The following NELL1 variants were observed in gnomAD, a reference collection of about 807,000 sequenced individuals.
NELL1 encodes the protein protein kinase C-binding protein NELL1.
A neutral mutation model predicts 107.4 loss-of-function variants in NELL1; 76 were observed. The ratio of observed to expected loss-of-function variants is 0.71; its 90% CI spans 0.59 to 0.86. NELL1 has a LOEUF of 0.86. Ranked by LOEUF, NELL1 falls within the 40% of genes least tolerant of loss-of-function variation. The pLI, the probability that NELL1 is intolerant of heterozygous loss-of-function variation, is 0.00. For missense variants in NELL1, 1,024 were observed against 1,005.5 expected (o/e 1.02, Z -0.25); for synonymous variants, 353 against 341.2 (o/e 1.03, Z -0.38).
At chr11:21,489,380 C>CAGAAAAAAAAAA (rs1491301138) in intron 15 of NELL1, among the ~76,000 whole-genome samples, 1 of 47,800 alleles carries the variant, frequency 2.1e-5, no homozygotes, top group Non-Finnish European at 4.0e-5. Context: ...GAAAGTATTT[C>CAGAAAAAAAAAA]AAAAAAAAAA....
rs183093910 is a variant in NELL1, at chr11:20,812,545, T to C, written c.335+28715T>C. On this transcript the variant is annotated intron_variant, in intron 3 of 19. Coordinates refer to ENST00000357134, the MANE Select transcript of NELL1 (RefSeq NM_006157.5). ...TTTTGACATGAATTGGTATTAATTC[T>C]TCTTTATACAGTAAAGCAACATGCT... Among the ~76,000 whole-genome samples, 505 of 152,358 alleles carry C rather than the reference T, an allele frequency of 3.3e-3. 6 individuals are homozygous for C. The highest frequency in any genetic ancestry group is 0.012 in the African/African-American group (489 of 41,592).
At chr11:20,982,331 G>A (rs1564998928) in intron 12 of NELL1, among the ~76,000 whole-genome samples, 1 of 152,112 alleles carries the variant, frequency 6.6e-6, no homozygotes, top group African/African-American at 2.4e-5. Flanking sequence ...TTTATGGGTA[G>A]GAAAAACCAA....
chr11:20,849,554 C>T (rs1848760227), intron 4 of NELL1, among the ~76,000 whole-genome samples: 1 of 152,136 alleles, frequency 6.6e-6, no homozygotes, highest in Non-Finnish European at 1.5e-5. Flanking sequence ...GAGTCATTGC[C>T]ATTTATAAAG....
At chr11:20,973,227 G>T (rs1434286464) in intron 12 of NELL1, among the ~76,000 whole-genome samples, 1 of 149,418 alleles carries the variant, frequency 6.7e-6, no homozygotes, top group African/African-American at 2.5e-5. Context: ...TCCGGCCTCA[G>T]CCTCCTGAGT....
At chr11:21,324,785 A>G (rs1850091870) in intron 14 of NELL1, among the ~76,000 whole-genome samples, 1 of 152,118 alleles carries the variant, frequency 6.6e-6, no homozygotes, top group Admixed American at 6.6e-5. Context: ...AAGAGGGAAG[A>G]GAGAATAGGT....
chr11:21,085,655 G>A (rs1209779026), intron 12 of NELL1, among the ~76,000 whole-genome samples: 2 of 151,908 alleles, frequency 1.3e-5, no homozygotes, highest in African/African-American at 2.4e-5. Context: ...AACAAAAAAC[G>A]ATTTTCTAGT....
intron 12 of NELL1, among the ~76,000 whole-genome samples, chr11:21,103,401 T>C (rs1590638603): frequency 6.6e-6 from 1 of 152,188 alleles, no homozygotes; most frequent in East Asian, 1.9e-4. Context: ...GTTTGCCTTG[T>C]AGAGAGGCAC....
At position 21,515,639 on chromosome 11, in the gene NELL1, G is replaced by A. The variant is rs548428562; in HGVS notation, c.1646-18735G>A. Among the ~76,000 whole-genome samples, 22 of 152,240 alleles carry A rather than the reference G, an allele frequency of 1.4e-4. No individual in the cohort carries two copies. In the East Asian group the frequency reaches 4.3e-3, roughly 29 times the overall value. On this transcript the variant is annotated intron_variant, in intron 15 of 19. Coordinates refer to ENST00000357134, the MANE Select transcript of NELL1 (RefSeq NM_006157.5). ...TGCCTAATTCACTGTGGAATGTGAG[G>A]ATCAATAAAGATATTGTATGATAGC...
chr11:20,712,925 T>A (rs75059724), intron 2 of NELL1, among the ~76,000 whole-genome samples: 3,218 of 152,316 alleles, frequency 0.021, 45 homozygotes, highest in Non-Finnish European at 0.034. Context: ...GTTGTAAATA[T>A]GTTTAGTGTG....
At chr11:21,271,707 T>C (rs1457071583) in intron 14 of NELL1, among the ~76,000 whole-genome samples, 1 of 152,144 alleles carries the variant, frequency 6.6e-6, no homozygotes, top group Non-Finnish European at 1.5e-5. Flanking sequence ...CTCATGAACA[T>C]AGATGCAAAA....
intron 14 of NELL1, among the ~76,000 whole-genome samples, chr11:21,296,548 CACTT>C (rs1242007011): frequency 3.3e-5 from 5 of 151,942 alleles, no homozygotes; most frequent in South Asian, 2.1e-4. Context: ...CCATACAAAA[CACTT>C]AATAACACAG....
At chr11:20,840,915 G>T (rs767864093) in intron 3 of NELL1, among the ~76,000 whole-genome samples, 12 of 152,196 alleles carry the variant, frequency 7.9e-5, no homozygotes, top group Non-Finnish European at 1.2e-4. Flanking sequence ...CACAGGACAG[G>T]AGATGACAGT....
chr11:21,463,643 G>A (rs951720552), intron 15 of NELL1, among the ~76,000 whole-genome samples: 10 of 151,976 alleles, frequency 6.6e-5, no homozygotes, highest in East Asian at 1.9e-4. Context: ...CACTGAGAGG[G>A]TACCTAATCA....
chr11:21,022,495 T>C (rs1433618888), intron 12 of NELL1, among the ~76,000 whole-genome samples: 2 of 152,120 alleles, frequency 1.3e-5, no homozygotes, highest in East Asian at 3.9e-4. Context: ...ACCTTGAAAA[T>C]GGGACTAAGT....
intron 15 of NELL1, among the ~76,000 whole-genome samples, chr11:21,453,739 T>C: frequency 6.6e-6 from 1 of 151,894 alleles, no homozygotes. Flanking sequence ...TCTTTAGAGT[T>C]GTATTTTATG....
rs201896985 is a variant in NELL1, at chr11:21,575,019, T to C, written c.2430T>C (p.Asn810=). The change falls in exon 20 of 20, where the codon AAT becomes AAC. Residue 810 remains asparagine (N), a synonymous_variant. Coordinates refer to ENST00000357134, the MANE Select transcript of NELL1 (RefSeq NM_006157.5). ...CSVDFECLQN[N] ...TGGATTTTGAGTGTCTTCAAAATAA[T>C]TGAAGTATTTACAGTGGACTCAACG... is the stretch of plus-strand genomic sequence containing the variant. The C allele has an allele frequency of 3.1e-6, 5 of 1,609,300 alleles. No homozygotes were observed. The highest frequency in any genetic ancestry group is 1.3e-5 in the African/African-American group (1 of 74,708).
intron 14 of NELL1, among the ~76,000 whole-genome samples, chr11:21,251,764 G>A (rs1276061449): frequency 6.6e-6 from 1 of 152,008 alleles, no homozygotes; most frequent in African/African-American, 2.4e-5. Flanking sequence ...GAGGTTCAAG[G>A]CGATGGAATG....
intron 15 of NELL1, among the ~76,000 whole-genome samples, chr11:21,406,556 T>C (rs1232479643): frequency 6.6e-6 from 1 of 152,034 alleles, no homozygotes; most frequent in East Asian, 1.9e-4. Context: ...TTAAGATAAA[T>C]TGAGCTTCTT....
intron 2 of NELL1, among the ~76,000 whole-genome samples, chr11:20,759,452 C>T (rs939091582): frequency 6.6e-6 from 1 of 152,168 alleles, no homozygotes; most frequent in Non-Finnish European, 1.5e-5. Flanking sequence ...CCCGTGAATA[C>T]CAATGGAACT....
Sources: allele counts gnomAD v4.1 joint callset (sites outside exome capture counted in the v4.1 genomes callset), GRCh38; gene constraint gnomAD v4.1.1; transcripts MANE v1.5; gene names NCBI Gene and HGNC (gene_info 2026-07-23, HGNC 2026-07-21).